Variants in PREX2 observed in about 807,000 individuals in gnomAD.
The protein encoded by PREX2 is phosphatidylinositol 3,4,5-trisphosphate-dependent Rac exchanger 2 protein.
A neutral mutation model predicts 203.2 loss-of-function variants in PREX2; 107 were observed. The ratio of observed to expected loss-of-function variants is 0.53; its 90% CI spans 0.45 to 0.62. The LOEUF is 0.62. Among genes scored for constraint, PREX2 ranks in the 20% least tolerant of loss-of-function variants. The pLI is 0.00. For synonymous variants in PREX2, 672 were observed against 663.6 expected (o/e 1.01, Z -0.19); for missense variants, 1,777 against 1,955.9 (o/e 0.91, Z 1.72).
chr8:68,083,116 C>G, intron 17 of PREX2, 124 bp from the exon 18 acceptor site: 2 of 609,064 alleles, frequency 3.3e-6, no homozygotes, highest in South Asian at 2.6e-5. Context: ...TATAAAAACA[C>G]GGCAGGTGTG....
chr8:68,141,988 T>C (rs746181916), intron 33 of PREX2, among the ~76,000 whole-genome samples: 9 of 152,172 alleles, frequency 5.9e-5, no homozygotes, highest in Non-Finnish European at 8.8e-5. Context: ...TTTAGAGCAG[T>C]TTTAGGTTCA....
intron 35 of PREX2, among the ~76,000 whole-genome samples, chr8:68,173,715 T>C (rs976436258): frequency 6.6e-6 from 1 of 152,154 alleles, no homozygotes; most frequent in African/African-American, 2.4e-5. Flanking sequence ...GTGATAATAT[T>C]TTTAAGGATG....
intron 34 of PREX2, among the ~76,000 whole-genome samples, chr8:68,153,721 A>G (rs931052107): frequency 6.6e-6 from 1 of 152,176 alleles, no homozygotes; most frequent in Non-Finnish European, 1.5e-5. Context: ...TCTGTCATAC[A>G]AATTTTAGTT....
chr8:68,005,707 A>G (rs1807075371), intron 1 of PREX2, among the ~76,000 whole-genome samples: 1 of 152,044 alleles, frequency 6.6e-6, no homozygotes, highest in African/African-American at 2.4e-5. Flanking sequence ...CTTTCCATTC[A>G]TTTGTTTTAT....
At chr8:68,043,920 T>A (rs1808267075) in intron 7 of PREX2, among the ~76,000 whole-genome samples, 2 of 152,126 alleles carry the variant, frequency 1.3e-5, no homozygotes, top group South Asian at 4.2e-4. Flanking sequence ...TAGAAATAAA[T>A]AAGGCCTTCA....
At chr8:68,006,410 C>G (rs1048873645) in intron 1 of PREX2, among the ~76,000 whole-genome samples, 4 of 152,158 alleles carry the variant, frequency 2.6e-5, no homozygotes, top group African/African-American at 9.7e-5. Context: ...AACCTAAATC[C>G]CACTGCATTT....
At chr8:67,963,992 A>G (rs1805702836) in intron 1 of PREX2, among the ~76,000 whole-genome samples, 2 of 152,164 alleles carry the variant, frequency 1.3e-5, no homozygotes, top group African/African-American at 4.8e-5. Flanking sequence ...CCTAGGACCA[A>G]TGAAATCTGA....
intron 1 of PREX2, among the ~76,000 whole-genome samples, chr8:67,974,004 A>G (rs1806000089): frequency 6.6e-6 from 1 of 152,200 alleles, no homozygotes; most frequent in South Asian, 2.1e-4. Flanking sequence ...GCATATGTCT[A>G]TTACATACTA....
chr8:67,968,320 A>G (rs1805832610), intron 1 of PREX2, among the ~76,000 whole-genome samples: 1 of 152,162 alleles, frequency 6.6e-6, no homozygotes, highest in South Asian at 2.1e-4. Context: ...TAAATTGTTA[A>G]TAGAATCTGG....
At chr8:68,133,909 T>C in intron 31 of PREX2, 150 bp from the exon 32 acceptor site, 1 of 611,600 alleles carries the variant, frequency 1.6e-6, no homozygotes, top group Non-Finnish European at 2.9e-6. Flanking sequence ...CTAGAATGTG[T>C]GTGGTCATTT....
chr8:68,207,671 C>T (rs555979735), intron 37 of PREX2, among the ~76,000 whole-genome samples: 428 of 152,058 alleles, frequency 2.8e-3, no homozygotes, highest in African/African-American at 0.01. Flanking sequence ...TCATACAATC[C>T]TGAAAACAAC....
intron 21 of PREX2, 100 bp downstream of exon 21, chr8:68,093,822 C>T: frequency 1.8e-6 from 1 of 556,766 alleles, no homozygotes; most frequent in Non-Finnish European, 3.2e-6. Context: ...GTTGAAGCCA[C>T]ATTCTTAAGT....
intron 33 of PREX2, among the ~76,000 whole-genome samples, chr8:68,141,937 T>A (rs1369836643): frequency 6.6e-6 from 1 of 152,190 alleles, no homozygotes; most frequent in East Asian, 1.9e-4. Context: ...AATTTTCAAC[T>A]CCACATTAGT....
chr8:68,078,192 G>A (rs1274382824), intron 15 of PREX2, among the ~76,000 whole-genome samples: 2 of 152,012 alleles, frequency 1.3e-5, no homozygotes, highest in African/African-American at 4.8e-5. Flanking sequence ...TTGAGACAGG[G>A]TCTCACTCTG....
chr8:68,138,315 AAC>A (rs1334681579), intron 32 of PREX2, 98 bp from the exon 33 acceptor site: 2 of 539,082 alleles, frequency 3.7e-6, no homozygotes, highest in Non-Finnish European at 6.3e-6. Context: ...ATATAAATAA[AAC>A]ACAGCAAAGT....
chr8:68,016,940 A>G (rs1031354805), intron 1 of PREX2, among the ~76,000 whole-genome samples: 1 of 152,134 alleles, frequency 6.6e-6, no homozygotes, highest in African/African-American at 2.4e-5. Context: ...AATTTGAGAT[A>G]TATTGTCAAT....
chr8:68,056,206 G>A (rs999055326), intron 10 of PREX2, among the ~76,000 whole-genome samples: 3 of 152,064 alleles, frequency 2.0e-5, no homozygotes, highest in African/African-American at 7.2e-5. Context: ...TGAGATTTCT[G>A]ATATGTCATG....
At chr8:68,178,845 C>G (rs2129614391) in intron 35 of PREX2, among the ~76,000 whole-genome samples, 1 of 152,180 alleles carries the variant, frequency 6.6e-6, no homozygotes, top group African/African-American at 2.4e-5. Context: ...AGCAATTTCT[C>G]CATAAAATCC....
intron 37 of PREX2, among the ~76,000 whole-genome samples, chr8:68,194,999 A>T (rs746580141): frequency 6.6e-6 from 1 of 152,170 alleles, no homozygotes; most frequent in Non-Finnish European, 1.5e-5. Flanking sequence ...CTGGTACAAG[A>T]TCATAGTTAT....
Sources: gnomAD v4.1 joint callset for allele counts (sites outside exome capture counted in the v4.1 genomes callset) on GRCh38, gnomAD v4.1.1 for gene constraint, MANE v1.5 for transcripts, NCBI Gene and HGNC (gene_info 2026-07-23, HGNC 2026-07-21) for gene names.